Variants in FBXL7 observed in about 807,000 individuals in gnomAD.
FBXL7 encodes the protein F-box and leucine rich repeat protein 7.
A neutral mutation model predicts 38.3 loss-of-function variants in FBXL7; 12 were observed. The ratio of observed to expected loss-of-function variants is 0.31; its 90% CI spans 0.20 to 0.51. FBXL7 has a LOEUF of 0.51. FBXL7 is among the 20% of genes least tolerant of loss of function. The probability of loss-of-function intolerance (pLI) is 0.98; values close to 1 mark genes in which losing one functional copy is unlikely to be tolerated. For synonymous variants in FBXL7, 297 were observed against 300.9 expected, an observed-to-expected ratio of 0.99 and a Z score of 0.13; for missense variants, 567 against 676.4, an observed-to-expected ratio of 0.84 and a Z score of 1.79.
chr5:15,723,880 T>C (rs1361645204), intron 2 of FBXL7, among the ~76,000 whole-genome samples: 1 of 152,174 alleles, frequency 6.6e-6, no homozygotes, highest in Non-Finnish European at 1.5e-5. Flanking sequence ...TTTTGTTTCT[T>C]TCTATTTTGT....
At chr5:15,590,683 CTTTA>C (rs1313318022) in intron 1 of FBXL7, among the ~76,000 whole-genome samples, 2 of 151,994 alleles carry the variant, frequency 1.3e-5, no homozygotes, top group Non-Finnish European at 2.9e-5. Context: ...AGCAACTTGC[CTTTA>C]TTTATAGCCA....
chr5:15,549,609 C>T (rs939733296), intron 1 of FBXL7, among the ~76,000 whole-genome samples: 3 of 152,116 alleles, frequency 2.0e-5, no homozygotes, highest in Non-Finnish European at 4.4e-5. Context: ...CATTAGTCAA[C>T]TTGTAATTAC....
intron 2 of FBXL7, among the ~76,000 whole-genome samples, chr5:15,701,970 G>A (rs1397458357): frequency 6.6e-6 from 1 of 152,188 alleles, no homozygotes; most frequent in South Asian, 2.1e-4. Flanking sequence ...CAGGTGCGGT[G>A]GTTCACGCCT....
intron 2 of FBXL7, among the ~76,000 whole-genome samples, chr5:15,821,614 C>A (rs1286907639): frequency 6.6e-6 from 1 of 152,122 alleles, no homozygotes; most frequent in Non-Finnish European, 1.5e-5. Context: ...TCAGTTTATT[C>A]TTTCTCTTAT....
At chr5:15,913,799 C>A (rs1741508236) in intron 2 of FBXL7, among the ~76,000 whole-genome samples, 1 of 152,304 alleles carries the variant, frequency 6.6e-6, no homozygotes, top group East Asian at 1.9e-4. Flanking sequence ...CAAGAAAGAG[C>A]TGGCTCCTTT....
intron 2 of FBXL7, among the ~76,000 whole-genome samples, chr5:15,911,398 G>A (rs1435369468): frequency 7.6e-6 from 1 of 131,648 alleles, no homozygotes; most frequent in Non-Finnish European, 1.5e-5. Flanking sequence ...GCACTTCTCT[G>A]TATTGGTTAT....
chr5:15,879,311 T>C (rs1244386171), intron 2 of FBXL7, among the ~76,000 whole-genome samples: 3 of 152,164 alleles, frequency 2.0e-5, no homozygotes, highest in Non-Finnish European at 4.4e-5. Context: ...TCCTTCTTTC[T>C]AATTCTAAAG....
chr5:15,935,227 G>C (rs1742148514), intron 3 of FBXL7: 1 of 534,738 alleles, frequency 1.9e-6, no homozygotes, highest in Non-Finnish European at 3.8e-6. Flanking sequence ...TTTACACTTG[G>C]AGTGAACGGG....
intron 2 of FBXL7, among the ~76,000 whole-genome samples, chr5:15,814,370 C>A (rs754240313): frequency 6.6e-6 from 1 of 151,902 alleles, no homozygotes; most frequent in Non-Finnish European, 1.5e-5. Context: ...AAGTAGGAGT[C>A]GAACAATGAG....
At chr5:15,703,378 G>A (rs1379248141) in intron 2 of FBXL7, among the ~76,000 whole-genome samples, 1 of 152,152 alleles carries the variant, frequency 6.6e-6, no homozygotes, top group African/African-American at 2.4e-5. Context: ...ATTCTATGAT[G>A]TGCATGAAGA....
intron 2 of FBXL7, among the ~76,000 whole-genome samples, chr5:15,683,594 C>T (rs183570727): frequency 6.6e-6 from 1 of 152,134 alleles, no homozygotes; most frequent in Non-Finnish European, 1.5e-5. Context: ...AAATTTATTT[C>T]ACAATAGACT....
At chr5:15,621,334 C>T (rs1319121168) in intron 2 of FBXL7, among the ~76,000 whole-genome samples, 2 of 152,096 alleles carry the variant, frequency 1.3e-5, no homozygotes, top group African/African-American at 4.8e-5. Flanking sequence ...CCATTTTTTC[C>T]CAACATAATC....
At position 15,876,591 on chromosome 5, in the gene FBXL7, C is replaced by A. The variant is rs758864983; in HGVS notation, c.128-51299C>A. Among the ~76,000 whole-genome samples, 9 of 152,136 alleles carry A rather than the reference C, an allele frequency of 5.9e-5. No homozygotes were observed. The East Asian group carries it at 1.2e-3, about 20-fold the overall frequency. On this transcript the variant is annotated intron_variant, in intron 2 of 3. Transcript: ENST00000504595. ...TCATTTGAGTATTAGAAACGTGAAACTTAGAAACTCTACCAGTTACTGCAC... is the reference window on the plus strand; with the variant it reads ...TCATTTGAGTATTAGAAACGTGAAAATTAGAAACTCTACCAGTTACTGCAC...
chr5:15,513,723 A>AT (rs1223152294), intron 1 of FBXL7, among the ~76,000 whole-genome samples: 1 of 152,060 alleles, frequency 6.6e-6, no homozygotes, highest in Admixed American at 6.6e-5. Context: ...TTTAGTTTTT[A>AT]TTTTTAAAGA....
chr5:15,598,864 G>T (rs1580394757), intron 1 of FBXL7, among the ~76,000 whole-genome samples: 1 of 152,070 alleles, frequency 6.6e-6, no homozygotes, highest in East Asian at 1.9e-4. Flanking sequence ...TAGAATAGAG[G>T]TGACATCAGT....
chr5:15,656,796 TTTTAA>T, intron 2 of FBXL7, among the ~76,000 whole-genome samples: 1 of 151,802 alleles, frequency 6.6e-6, no homozygotes, highest in Middle Eastern at 3.4e-3. Flanking sequence ...TGAATGAGAA[TTTTAA>T]TTAGGAAATG....
chr5:15,605,621 GCTT>G (rs1297587370), intron 1 of FBXL7, among the ~76,000 whole-genome samples: 7 of 152,126 alleles, frequency 4.6e-5, no homozygotes, highest in African/African-American at 1.7e-4. Flanking sequence ...GTTACAGAGA[GCTT>G]CTTTGGGGTG....
intron 1 of FBXL7, among the ~76,000 whole-genome samples, chr5:15,603,712 G>A (rs1739889109): frequency 6.6e-6 from 1 of 152,240 alleles, no homozygotes; most frequent in Admixed American, 6.5e-5. Flanking sequence ...TACCAGTTAG[G>A]ACATTCAGTG....
At chr5:15,662,030 T>G (rs1176532830) in intron 2 of FBXL7, among the ~76,000 whole-genome samples, 1 of 152,224 alleles carries the variant, frequency 6.6e-6, no homozygotes, top group Non-Finnish European at 1.5e-5. Flanking sequence ...TGATTTATAT[T>G]CCTGTGGGTA....
Sources: allele counts gnomAD v4.1 joint callset (sites outside exome capture counted in the v4.1 genomes callset), GRCh38; gene constraint gnomAD v4.1.1; transcripts MANE v1.5; gene names NCBI Gene and HGNC (gene_info 2026-07-23, HGNC 2026-07-21).